ALDH3A1: variants seen among roughly 807,000 people sequenced by gnomAD.
ALDH3A1 encodes the protein aldehyde dehydrogenase 3 family member A1, also known as aldehyde dehydrogenase, dimeric NADP-preferring.
Under a neutral mutation model 49.9 loss-of-function variants are expected in ALDH3A1, and 46 were observed. That is an observed-to-expected ratio of 0.92 (90% confidence interval 0.73 to 1.18). The LOEUF is 1.18. Ranked by LOEUF, ALDH3A1 falls within the 50% of genes most tolerant of loss-of-function variation. The pLI, the probability that ALDH3A1 is intolerant of heterozygous loss-of-function variation, is 0.00. For synonymous variants in ALDH3A1, 269 were observed against 253.3 expected, an observed-to-expected ratio of 1.06 and a Z score of -0.59; for missense variants, 592 against 611.8, an observed-to-expected ratio of 0.97 and a Z score of 0.34.
Position 19,739,615 on chromosome 17 carries a change from C to T in ALDH3A1, c.1009G>A (p.Gly337Arg), listed in dbSNP as rs544273331. 8 of 1,613,942 alleles carry T rather than the reference C, an allele frequency of 5.0e-6. No individual in the cohort carries two copies. The African/African-American group carries it at 5.3e-5, about 11-fold the overall frequency. The change falls in exon 8 of 11, where the codon GGG becomes AGG. Residue 337 changes from glycine to arginine, a missense_variant. Coordinates refer to ENST00000225740, the MANE Select transcript of ALDH3A1 (RefSeq NM_000691.5). The stretch of plus-strand genomic sequence containing the variant: ...ACGCACACGATGGGCAGCACAGGCC[C>T]GAAGATCTCCTCTTGCATCACCGGG... ...QSPVMQEEIF[G>R]PVLPIVCVRS... is the part of the protein sequence containing the mutation.
chr17:19,743,178 C>A lies in ALDH3A1; in HGVS notation c.394+54G>T. The A allele has an allele frequency of 6.2e-7, 1 of 1,604,012 alleles. No homozygotes were observed. Among genetic ancestry groups the A allele is most frequent in the Non-Finnish European group, 8.5e-7 (1 of 1,176,280 alleles). ...CAGGCCTGAGCCCATCCTGGCTTGG[C>A]TCCACGCTGGGGGACGGTGCTCCCC... On this transcript the variant is annotated intron_variant, in intron 3 of 10. Transcript: ENST00000225740. The surrounding 1 kb of genome is among the most constrained non-coding windows in gnomAD (Gnocchi z 4.4).
rs367780076 is a variant in ALDH3A1, at chr17:19,741,080, G to T, written c.807+13C>A. ...AGCCTCTCATCCCACCCTGCCAAGG[G>T]GTCAACACTCACTTTCAGTGACTTC... On this transcript the variant is annotated intron_variant, in intron 6 of 10. Transcript: ENST00000225740. 6.2e-7 allele frequency: 1 copy of T among 1,605,790 alleles called. No homozygotes were observed. The highest frequency in any genetic ancestry group is 8.5e-7 in the Non-Finnish European group (1 of 1,172,608).
chr17:19,741,026 T>C, intron 6 of ALDH3A1, 67 bp downstream of exon 6: 1 of 1,217,254 alleles, frequency 8.2e-7, no homozygotes, highest in Non-Finnish European at 1.2e-6. Flanking sequence ...AGAAGTTGGT[T>C]AAGGGGCCAG....
rs1260728330 is a variant in ALDH3A1 at position 19,742,084 on chromosome 17, G to A, written c.609C>T (p.His203=). Residue 203 remains histidine, a synonymous_variant, in exon 5 of 11, where the codon CAC becomes CAT. Transcript: ENST00000225740. Reference sequence around the variant, plus strand: ...CCAGCTCCAGCGTGACAGGGGTCAGGTGCTTGGCAGCAGCCGTCATGATGA... The same window carrying A: ...CCAGCTCCAGCGTGACAGGGGTCAGATGCTTGGCAGCAGCCGTCATGATGA... The part of the protein sequence containing the change: ...GKIIMTAAAK[H]LTPVTLELGG... 3 of 1,614,022 alleles carry A rather than the reference G, an allele frequency of 1.9e-6. No homozygotes were observed. Among genetic ancestry groups the A allele is most frequent in the Admixed American group, 1.7e-5 (1 of 60,024 alleles).
chr17:19,741,868 T>C (rs993771224), intron 5 of ALDH3A1, 136 bp downstream of exon 5: 2 of 882,170 alleles, frequency 2.3e-6, no homozygotes, highest in Admixed American at 2.3e-5. Flanking sequence ...CCCATGTAAG[T>C]TTCTGCAAGG....
chr17:19,742,744 G>A (rs1322285922), intron 3 of ALDH3A1, 114 bp from the exon 4 acceptor site: 1 of 1,568,348 alleles, frequency 6.4e-7, no homozygotes, highest in Non-Finnish European at 8.6e-7. Flanking sequence ...GACAGTGGAT[G>A]GAAGAGTTGT....
At chr17:19,747,692 G>A (rs2086618202) in intron 1 of ALDH3A1, among the ~76,000 whole-genome samples, 1 of 152,148 alleles carries the variant, frequency 6.6e-6, no homozygotes, top group East Asian at 1.9e-4. Flanking sequence ...CCCAGAGCCC[G>A]TCGCCTCACA....
chr17:19,746,164 G>A (rs139283720), intron 1 of ALDH3A1, among the ~76,000 whole-genome samples: 5 of 152,266 alleles, frequency 3.3e-5, no homozygotes, highest in South Asian at 2.1e-4. Context: ...TGAGGTGGGC[G>A]GGTCACCTGA....
intron 7 of ALDH3A1, chr17:19,740,105 G>A: frequency 1.8e-6 from 1 of 542,852 alleles, no homozygotes; most frequent in Non-Finnish European, 3.2e-6. Flanking sequence ...GGGGCAGGGA[G>A]ATGAGGCCCC....
chr17:19,739,238 C>T (rs953555114), intron 8 of ALDH3A1, 143 bp from the exon 9 acceptor site: 33 of 832,964 alleles, frequency 4.0e-5, no homozygotes, highest in Middle Eastern at 2.4e-4. Flanking sequence ...TCCTGCTCTT[C>T]CTGCAGACCG....
At position 19,743,929 on chromosome 17, in the gene ALDH3A1, C is replaced by T. The variant is rs1013360510; in HGVS notation, c.163-466G>A. The T allele has an allele frequency of 1.5e-5, 15 of 985,074 alleles. No homozygotes were observed. The highest frequency in any genetic ancestry group is 9.4e-5 in the South Asian group (2 of 21,276). 61.0% of individuals were successfully genotyped at this position (985,074 alleles called of 1,614,324 possible). A position where few individuals can be genotyped will look rare whatever the true frequency, so the allele number is the denominator to read the frequency against. On this transcript the variant is annotated intron_variant, in intron 2 of 10. Coordinates refer to ENST00000225740, the MANE Select transcript of ALDH3A1 (RefSeq NM_000691.5). This position sits in a 1 kb window ranked among gnomAD's most constrained non-coding sequence, Gnocchi z 4.4. ...GGATGCAGGACCAAGGGCTGCTGGGCGCTCAGGGCCTCCTGTGGGGAGCAG... is the reference window on the plus strand; with the variant it reads ...GGATGCAGGACCAAGGGCTGCTGGGTGCTCAGGGCCTCCTGTGGGGAGCAG...
intron 7 of ALDH3A1, 41 bp downstream of exon 7, chr17:19,740,295 C>CA: frequency 6.2e-7 from 1 of 1,602,734 alleles, no homozygotes; most frequent in Middle Eastern, 1.7e-4. Flanking sequence ...GGGACCCCTG[C>CA]AGCCTGGGCA....
intron 1 of ALDH3A1, among the ~76,000 whole-genome samples, chr17:19,746,666 TGC>T (rs1197485212): frequency 5.5e-5 from 8 of 146,264 alleles, no homozygotes; most frequent in South Asian, 4.3e-4. Context: ...TGTGTGTGTG[TGC>T]GTGTGTGTGC....
intron 2 of ALDH3A1, chr17:19,744,698 T>C: frequency 1.5e-6 from 2 of 1,334,926 alleles, no homozygotes; most frequent in South Asian, 3.5e-5. Flanking sequence ...AAGTTCAGGG[T>C]GTCGGGGCAG....
In ALDH3A1 at chr17:19,742,049, C is replaced by T. The variant is rs767419168; in HGVS notation, c.644G>A (p.Ser215Asn). ...ACAGTTCTTGTCCACGTAGCAGGGA[C>T]TCTTCCCTCCCAGCTCCAGCGTGAC... ...TPVTLELGGK[S>N]PCYVDKNCDL... is the part of the protein sequence containing the mutation. The change falls in exon 5 of 11, where the codon AGT becomes AAT. Residue 215 changes from serine (S) to asparagine (N), a missense_variant. By Grantham distance (46) the Ser-to-Asn change is conservative. Transcript: ENST00000225740. The T allele has an allele frequency of 1.2e-6, 2 of 1,613,914 alleles. No homozygotes were observed. The highest frequency in any genetic ancestry group is 2.7e-5 in the African/African-American group (2 of 74,914).
intron 1 of ALDH3A1, chr17:19,745,388 G>A: frequency 2.1e-6 from 1 of 470,432 alleles, no homozygotes; most frequent in Non-Finnish European, 3.7e-6. Context: ...GCTGCTGGGG[G>A]CTCTTGGCAG....
intron 7 of ALDH3A1, 133 bp from the exon 8 acceptor site, chr17:19,739,807 G>T: frequency 8.6e-7 from 1 of 1,157,392 alleles, no homozygotes; most frequent in Non-Finnish European, 1.2e-6. Flanking sequence ...CAGGGACGAG[G>T]CCTCAGAGAG....
rs965952474 is a variant in ALDH3A1, at chr17:19,744,601, C to T, written c.162+367G>A. ...AACTGGGAGGGAGGGGAGAGCCCCCCATGCCCTCCGGGGTGCCAAGCTGCT... is the reference window on the plus strand; with the variant it reads ...AACTGGGAGGGAGGGGAGAGCCCCCTATGCCCTCCGGGGTGCCAAGCTGCT... On this transcript the variant is annotated intron_variant, in intron 2 of 10. Transcript: ENST00000225740. 5 of 985,258 alleles carry T rather than the reference C, an allele frequency of 5.1e-6. No homozygotes were observed. In the African/African-American group the frequency reaches 8.7e-5, roughly 17 times the overall value. 61.0% of individuals were successfully genotyped at this position (985,258 alleles called of 1,614,324 possible).
intron 9 of ALDH3A1, 60 bp from the exon 10 acceptor site, chr17:19,738,513 C>T: frequency 6.3e-7 from 1 of 1,583,074 alleles, no homozygotes. Context: ...CCCAGGTTTC[C>T]CTCTCCACCT....
Sources: allele counts gnomAD v4.1 joint callset (sites outside exome capture counted in the v4.1 genomes callset), GRCh38; gene constraint gnomAD v4.1.1; non-coding constraint Gnocchi (gnomAD v3.1); transcripts MANE v1.5; gene names NCBI Gene and HGNC (gene_info 2026-07-23, HGNC 2026-07-21).